The following THSD7A variants were observed in gnomAD, a reference collection of about 807,000 sequenced individuals.
THSD7A encodes thrombospondin type-1 domain-containing protein 7A.
THSD7A carries 96 observed loss-of-function variants against 231.3 expected under a neutral mutation model. The ratio of observed to expected loss-of-function variants is 0.41; its 90% CI spans 0.35 to 0.49. THSD7A has a LOEUF of 0.49. THSD7A is among the 20% of genes least tolerant of loss of function. THSD7A has a pLI of 0.05. For synonymous variants in THSD7A, 940 were observed against 743.3 expected (o/e 1.26, Z -4.30); for missense variants, 2,290 against 2,070.2 (o/e 1.11, Z -2.06).
intron 1 of THSD7A, among the ~76,000 whole-genome samples, chr7:11,768,107 A>C (rs1783088841): frequency 7.2e-5 from 11 of 152,220 alleles, no homozygotes; most frequent in Admixed American, 7.2e-4. Context: ...TGCAAGAAAC[A>C]TGTAACCTGA....
chr7:11,753,330 G>A (rs540022238), intron 1 of THSD7A, among the ~76,000 whole-genome samples: 1 of 152,124 alleles, frequency 6.6e-6, no homozygotes, highest in South Asian at 2.1e-4. Flanking sequence ...TAGAGATTCT[G>A]AAGTCAAATT....
chr7:11,698,449 T>C (rs1037402565), intron 1 of THSD7A, among the ~76,000 whole-genome samples: 3 of 151,272 alleles, frequency 2.0e-5, no homozygotes, highest in African/African-American at 7.3e-5. Flanking sequence ...GTCCCAAATC[T>C]ATGTAATGTT....
intron 1 of THSD7A, among the ~76,000 whole-genome samples, chr7:11,779,742 T>C (rs1051614350): frequency 8.5e-5 from 13 of 152,208 alleles, no homozygotes; most frequent in African/African-American, 2.9e-4. Flanking sequence ...TCTCTACTTC[T>C]AGTATCTTTC....
intron 1 of THSD7A, among the ~76,000 whole-genome samples, chr7:11,667,158 G>A (rs985395044): frequency 3.9e-5 from 6 of 151,938 alleles, no homozygotes; most frequent in African/African-American, 1.5e-4. Flanking sequence ...CCCCTCACCT[G>A]AGCAGTGTAC....
rs375134282 is a variant in THSD7A, at chr7:11,731,768, AG to A, written c.191-94808del. Among the ~76,000 whole-genome samples the A allele has an allele frequency of 6.7e-3, 1,016 of 151,834 alleles. 6 individuals carry two copies. Among genetic ancestry groups the A allele is most frequent in the Non-Finnish European group, 9.8e-3 (662 of 67,740 alleles). On this transcript the variant is annotated intron_variant, in intron 1 of 27. Coordinates refer to ENST00000423059, the MANE Select transcript of THSD7A (RefSeq NM_015204.3). Reference sequence around the variant, plus strand: ...CTAAATCTCACACAGCCTTTGCAAAAGAATCTAATTTGTGTTTGTGGGAACA... The same window carrying A: ...CTAAATCTCACACAGCCTTTGCAAAAAATCTAATTTGTGTTTGTGGGAACA...
chr7:11,566,613 C>T (rs569040801), intron 4 of THSD7A, among the ~76,000 whole-genome samples: 1 of 152,088 alleles, frequency 6.6e-6, no homozygotes, highest in African/African-American at 2.4e-5. Context: ...TAAACAATTG[C>T]TTGCTATTAT....
chr7:11,477,520 A>T (rs1786242576), intron 7 of THSD7A, among the ~76,000 whole-genome samples: 2 of 152,166 alleles, frequency 1.3e-5, no homozygotes, highest in Admixed American at 1.3e-4. Context: ...GCTTTTAATG[A>T]GATTGAATTT....
chr7:11,798,359 T>G (rs150729714), intron 1 of THSD7A, among the ~76,000 whole-genome samples: 4 of 151,994 alleles, frequency 2.6e-5, no homozygotes, highest in Non-Finnish European at 5.9e-5. Context: ...TAATCCTAGA[T>G]ACTCGGGAGG....
intron 6 of THSD7A, among the ~76,000 whole-genome samples, chr7:11,534,580 C>T (rs1399094101): frequency 1.3e-5 from 2 of 152,152 alleles, no homozygotes. Context: ...TTAGCAAGCA[C>T]TTCTGCATTC....
Position 11,740,452 on chromosome 7 carries a change from G to A in THSD7A, c.190+91305C>T, listed in dbSNP as rs192084577. ...GTAACACAATTCGGATCTCTACCTT[G>A]ACACCAGATTCTTCAGCTACATCTC... On this transcript the variant is annotated intron_variant, in intron 1 of 27. Coordinates refer to ENST00000423059, the MANE Select transcript of THSD7A (RefSeq NM_015204.3). 2.6e-5 allele frequency among the ~76,000 whole-genome samples: 4 copies of A among 151,992 alleles called. No homozygotes were observed. The East Asian group carries it at 7.8e-4, about 30-fold the overall frequency.
intron 1 of THSD7A, among the ~76,000 whole-genome samples, chr7:11,805,974 A>G (rs1784388846): frequency 6.6e-6 from 1 of 152,214 alleles, no homozygotes; most frequent in Non-Finnish European, 1.5e-5. Flanking sequence ...CAAGTACAAA[A>G]GGGAAAACTA....
Position 11,543,129 on chromosome 7 carries a change from TAC to T in THSD7A, c.1454-14_1454-13del, listed in dbSNP as rs758532357. 1.3e-4 allele frequency: 214 copies of T among 1,600,728 alleles called. No homozygotes were observed. Among genetic ancestry groups the T allele is most frequent in the Middle Eastern group, 8.3e-4 (5 of 6,016 alleles). On this transcript the variant is annotated splice_polypyrimidine_tract_variant and intron_variant, in intron 4 of 27. Transcript: ENST00000423059. The stretch of plus-strand genomic sequence containing the variant: ...CATTGGCTTTGAGGCTAGAGAAAAA[TAC>T]AGACACATATTAAAAAATGAACAAA...
At chr7:11,608,316 C>G (rs910164818) in intron 2 of THSD7A, among the ~76,000 whole-genome samples, 6 of 152,010 alleles carry the variant, frequency 3.9e-5, no homozygotes, top group African/African-American at 1.4e-4. Flanking sequence ...GAAAGGTAAC[C>G]AAAAGATGTT....
At chr7:11,654,097 G>T (rs1782617087) in intron 1 of THSD7A, among the ~76,000 whole-genome samples, 1 of 151,892 alleles carries the variant, frequency 6.6e-6, no homozygotes, top group Non-Finnish European at 1.5e-5. Flanking sequence ...AAGAATCTCT[G>T]ATAATTTATA....
intron 4 of THSD7A, among the ~76,000 whole-genome samples, chr7:11,564,400 G>C (rs906162313): frequency 1.4e-4 from 21 of 152,200 alleles, no homozygotes; most frequent in African/African-American, 5.1e-4. Flanking sequence ...CCTGAATGCT[G>C]CGTGTCAGCA....
chr7:11,556,457 T>C (rs1479555856), intron 4 of THSD7A, among the ~76,000 whole-genome samples: 1 of 151,842 alleles, frequency 6.6e-6, no homozygotes, highest in Non-Finnish European at 1.5e-5. Flanking sequence ...ATTTTTAGAA[T>C]CATATCAGGT....
At chr7:11,787,066 AG>A (rs1341359098) in intron 1 of THSD7A, among the ~76,000 whole-genome samples, 1 of 152,148 alleles carries the variant, frequency 6.6e-6, no homozygotes, top group Non-Finnish European at 1.5e-5. Context: ...AAAAATAAAA[AG>A]GTAACATTGA....
At chr7:11,749,339 C>A (rs1254758453) in intron 1 of THSD7A, among the ~76,000 whole-genome samples, 2 of 151,926 alleles carry the variant, frequency 1.3e-5, no homozygotes, top group East Asian at 3.9e-4. Flanking sequence ...GCTGTGCACC[C>A]CCCACATATC....
chr7:11,806,163 T>C lies in THSD7A; in HGVS notation c.190+25594A>G, dbSNP rs1053892559. 3.9e-5 allele frequency among the ~76,000 whole-genome samples: 6 copies of C among 152,160 alleles called. No homozygotes were observed. In the East Asian group the frequency reaches 1.2e-3, roughly 29 times the overall value. ...AACACCCTATGATCAGCTGAATAAT[T>C]CACGTAAGTCTTCCTCTGAGGGTTA... On this transcript the variant is annotated intron_variant, in intron 1 of 27. Coordinates refer to ENST00000423059, the MANE Select transcript of THSD7A (RefSeq NM_015204.3).
Sources: allele counts gnomAD v4.1 joint callset (sites outside exome capture counted in the v4.1 genomes callset), GRCh38; gene constraint gnomAD v4.1.1; transcripts MANE v1.5; gene names NCBI Gene and HGNC (gene_info 2026-07-23, HGNC 2026-07-21).